The following BRAF variants were observed in gnomAD, a reference collection of about 807,000 sequenced individuals.
BRAF encodes the protein B-Raf proto-oncogene, serine/threonine kinase.
Under a neutral mutation model 104.6 loss-of-function variants are expected in BRAF, and 16 were observed. The ratio of observed to expected loss-of-function variants is 0.15; its 90% confidence interval spans 0.10 to 0.23. The LOEUF is 0.23. BRAF is among the 10% of genes least tolerant of loss of function. BRAF has a pLI of 1.00. For missense variants in BRAF, 541 were observed against 937.3 expected (o/e 0.58, Z 5.52); for synonymous variants, 310 against 341.6 (o/e 0.91, Z 1.02).
At chr7:140,829,675 T>C (rs1007328585) in intron 3 of BRAF, among the ~76,000 whole-genome samples, 2 of 152,208 alleles carry the variant, frequency 1.3e-5, no homozygotes, top group Non-Finnish European at 2.9e-5. Flanking sequence ...AGTTTGCCAA[T>C]GAGAAAACGA....
chr7:140,820,402 A>G (rs939611746), intron 3 of BRAF, among the ~76,000 whole-genome samples: 6 of 152,246 alleles, frequency 3.9e-5, no homozygotes, highest in Non-Finnish European at 8.8e-5. Flanking sequence ...ATGTACTTAA[A>G]TATATACTGC....
chr7:140,741,845 C>G (rs1332946294), intron 17 of BRAF: 1 of 152,000 alleles, frequency 6.6e-6, no homozygotes, highest in Non-Finnish European at 1.5e-5. Flanking sequence ...GTAGTCCCAG[C>G]TACGTGGGAG....
At chr7:140,775,670 C>T (rs940007287) in intron 14 of BRAF, among the ~76,000 whole-genome samples, 9 of 152,094 alleles carry the variant, frequency 5.9e-5, no homozygotes, top group African/African-American at 1.4e-4. Context: ...CCTTTAGATT[C>T]GAACAGATTC....
Position 140,725,785 on chromosome 7 carries a change from G to A in BRAF, c.*709C>T. ...TGTGCCAGCACTATCTAGCCTGCTT[G>A]GTTAGACAGACCCCTCAGTGAGCAA... is the stretch of plus-strand genomic sequence containing the variant. On this transcript the variant is annotated 3_prime_UTR_variant, in exon 20 of 20. Coordinates refer to ENST00000644969, the MANE Select transcript of BRAF (RefSeq NM_001374258.1). 1 of 1,062,950 alleles carries A rather than the reference G, an allele frequency of 9.4e-7. No homozygotes were observed. The highest frequency in any genetic ancestry group is 1.1e-6 in the Non-Finnish European group (1 of 877,840). 65.8% of individuals were successfully genotyped at this position (1,062,950 alleles called of 1,614,324 possible). A position where few individuals can be genotyped will look rare whatever the true frequency, so the allele number is the denominator to read the frequency against.
intron 1 of BRAF, among the ~76,000 whole-genome samples, chr7:140,877,438 G>A (rs1391169242): frequency 1.3e-5 from 2 of 151,710 alleles, no homozygotes; most frequent in Admixed American, 6.6e-5. Context: ...TATTATATCA[G>A]CAAAGAAAAA....
intron 1 of BRAF, among the ~76,000 whole-genome samples, chr7:140,853,649 C>T (rs554057919): frequency 1.3e-5 from 2 of 152,294 alleles, no homozygotes; most frequent in Admixed American, 6.5e-5. Flanking sequence ...TTACCAAGTT[C>T]ATTCATCTCT....
rs534593364 is a variant in BRAF at position 140,777,809 on chromosome 7, A to G, written c.1637+182T>C. ...CTAAGTATTCTATCAGCCATACCAT[A>G]TAACATTGCATACTACTTAAAAGAA... On this transcript the variant is annotated intron_variant, in intron 13 of 19. Coordinates refer to ENST00000644969, the MANE Select transcript of BRAF (RefSeq NM_001374258.1). Among the ~76,000 whole-genome samples, 363 of 152,362 alleles carry G rather than the reference A, an allele frequency of 2.4e-3. 2 individuals carry two copies. Among genetic ancestry groups the G allele is most frequent in the Non-Finnish European group, 4.6e-3 (310 of 68,024 alleles).
rs1044346900 is a variant in BRAF at position 140,874,432 on chromosome 7, C to T, written c.139-24220G>A. On this transcript the variant is annotated intron_variant, in intron 1 of 19. Coordinates refer to ENST00000644969, the MANE Select transcript of BRAF (RefSeq NM_001374258.1). ...GGCCAGGATGGCCTCGATCTCCTGA[C>T]CTTGTGATCTGCCCGCCTTGGCCTC... Among the ~76,000 whole-genome samples, 3 of 150,988 alleles carry T rather than the reference C, an allele frequency of 2.0e-5. 1 individual carries two copies. Among genetic ancestry groups the T allele is most frequent in the Admixed American group, 6.6e-5 (1 of 15,140 alleles).
intron 14 of BRAF, among the ~76,000 whole-genome samples, chr7:140,770,004 T>C (rs1799688006): frequency 6.6e-6 from 1 of 152,128 alleles, no homozygotes; most frequent in South Asian, 2.1e-4. Context: ...CAGAATGCTG[T>C]TAAGGTGGCT....
intron 14 of BRAF, among the ~76,000 whole-genome samples, chr7:140,771,653 ATTC>A (rs1799854950): frequency 6.6e-6 from 1 of 152,246 alleles, no homozygotes; most frequent in East Asian, 1.9e-4. Flanking sequence ...AGGGCAGGCT[ATTC>A]TGAAATAAAG....
chr7:140,769,163 G>A (rs1011012876), intron 14 of BRAF, among the ~76,000 whole-genome samples: 2 of 150,378 alleles, frequency 1.3e-5, no homozygotes, highest in Non-Finnish European at 3.0e-5. Flanking sequence ...TGCAACCTCC[G>A]TCTCCTGGGT....
Position 140,734,740 on chromosome 7 carries a change from A to T in BRAF, c.2278T>A (p.Ser760Thr), listed in dbSNP as rs1796236658. The T allele has an allele frequency of 6.2e-7, 1 of 1,602,206 alleles. No individual in the cohort carries two copies. The highest frequency in any genetic ancestry group is 8.5e-7 in the Non-Finnish European group (1 of 1,175,526). The change falls in exon 19 of 20, where the codon TCA becomes ACA. Residue 760 changes from serine to threonine, a missense_variant. This residue lies in a region of BRAF where 129 missense variants were observed against 285.8 expected (regional missense o/e 0.45). Coordinates refer to ENST00000644969, the MANE Select transcript of BRAF (RefSeq NM_001374258.1). The part of the protein sequence containing the change: ...ILASIELLAR[S>T]LPKIHRSASE... Reference sequence around the variant, plus strand: ...GCACTGCGGTGAATTTTTGGCAATGAGCGGGCCAGCAGCTCAATAGAGGCG... The same window carrying T: ...GCACTGCGGTGAATTTTTGGCAATGTGCGGGCCAGCAGCTCAATAGAGGCG...
chr7:140,894,255 G>T (rs1411569113), intron 1 of BRAF, among the ~76,000 whole-genome samples: 1 of 152,064 alleles, frequency 6.6e-6, no homozygotes. Flanking sequence ...GGCTGAAGAA[G>T]AAAAAAGGAA....
intron 1 of BRAF, among the ~76,000 whole-genome samples, chr7:140,909,505 A>G (rs1816730129): frequency 6.6e-6 from 1 of 152,220 alleles, no homozygotes; most frequent in Non-Finnish European, 1.5e-5. Flanking sequence ...TATAATAAAT[A>G]ACACACTGAT....
intron 10 of BRAF, 129 bp from the exon 10 acceptor site, chr7:140,783,286 G>C: frequency 8.5e-7 from 1 of 1,174,642 alleles, no homozygotes; most frequent in Middle Eastern, 2.5e-4. Flanking sequence ...TAGACCTTTT[G>C]GAAAGGATGG....
intron 2 of BRAF, among the ~76,000 whole-genome samples, chr7:140,844,166 T>A (rs1586375503): frequency 6.6e-6 from 1 of 152,054 alleles, no homozygotes; most frequent in South Asian, 2.1e-4. Flanking sequence ...TGTCCAAGTG[T>A]GCGCTCACCA....
intron 16 of BRAF, among the ~76,000 whole-genome samples, chr7:140,750,627 T>C (rs984261629): frequency 6.6e-6 from 1 of 152,220 alleles, no homozygotes; most frequent in African/African-American, 2.4e-5. Context: ...CGCTTTGTCA[T>C]ACATTTTGTT....
At chr7:140,733,855 C>T in intron 19 of BRAF, 1 of 409,570 alleles carries the variant, frequency 2.4e-6, no homozygotes. Context: ...AATTTGACTT[C>T]TACATGAGCG....
chr7:140,919,479 C>G (rs1405025540), intron 1 of BRAF, among the ~76,000 whole-genome samples: 2 of 151,000 alleles, frequency 1.3e-5, no homozygotes, highest in Non-Finnish European at 2.9e-5. Flanking sequence ...TTTTTAAGCC[C>G]AAGAGAAAAC....
Sources: allele counts gnomAD v4.1 joint callset (sites outside exome capture counted in the v4.1 genomes callset), GRCh38; gene constraint gnomAD v4.1.1; regional missense constraint gnomAD v4.1.1; transcripts MANE v1.5; gene names NCBI Gene and HGNC (gene_info 2026-07-23, HGNC 2026-07-21).